TBC1D32: variants seen among roughly 807,000 people sequenced by gnomAD.
TBC1D32 encodes the protein TBC1 domain family member 32, also known as protein broad-minded.
TBC1D32 carries 151 observed loss-of-function variants against 170.3 expected under a neutral mutation model. The observed-to-expected ratio is 0.89, with a 90% CI of 0.78 to 1.01. TBC1D32 has a LOEUF of 1.01. Among genes scored for constraint, TBC1D32 ranks in the 50% least tolerant of loss-of-function variants. The pLI is 0.00. For synonymous variants in TBC1D32, 498 were observed against 488.0 expected (o/e 1.02, Z -0.27); for missense variants, 1,464 against 1,457.1 (o/e 1.00, Z -0.08).
At chr6:121,134,960 G>GC (rs35933994) in intron 24 of TBC1D32, among the ~76,000 whole-genome samples, 28,074 of 151,962 alleles carry the variant, frequency 0.18, 3,509 homozygotes, top group African/African-American at 0.33. Flanking sequence ...AGAGACAAAG[G>GC]CCCCCCTGAC....
At chr6:121,184,659 G>A (rs529555977) in intron 22 of TBC1D32, among the ~76,000 whole-genome samples, 16 of 151,956 alleles carry the variant, frequency 1.1e-4, no homozygotes, top group Middle Eastern at 3.4e-3. Context: ...CAGGTTCAAT[G>A]CTGGTCATGG....
At chr6:121,254,617 T>TTTTG (rs59108444) in intron 17 of TBC1D32, among the ~76,000 whole-genome samples, 134,049 of 151,692 alleles carry the variant, frequency 0.88, 59,673 homozygotes, top group East Asian at 0.98. Context: ...GCAGAAGGCT[T>TTTTG]TTTGATTGTT....
At chr6:121,287,047 C>T (rs1457466589) in intron 12 of TBC1D32, among the ~76,000 whole-genome samples, 3 of 152,178 alleles carry the variant, frequency 2.0e-5, no homozygotes, top group Non-Finnish European at 4.4e-5. Flanking sequence ...ACTGCAAAAA[C>T]ATGCCAAATT....
chr6:121,149,133 T>C (rs898250510), intron 24 of TBC1D32, among the ~76,000 whole-genome samples: 2 of 152,210 alleles, frequency 1.3e-5, no homozygotes, highest in African/African-American at 2.4e-5. Context: ...TTGTTTAAGT[T>C]CTTTGTAGAT....
chr6:121,104,520 G>C lies in TBC1D32; in HGVS notation c.3465+1503C>G, dbSNP rs1246987737. 3.3e-5 allele frequency among the ~76,000 whole-genome samples: 5 copies of C among 151,534 alleles called. No homozygotes were observed. The East Asian group carries it at 9.7e-4, about 29-fold the overall frequency. On this transcript the variant is annotated intron_variant, in intron 30 of 31. Coordinates refer to ENST00000398212, the MANE Select transcript of TBC1D32 (RefSeq NM_152730.6). ...ATGTAGAATTATTTTGGAAGAACTA[G>C]ATAATTTAATAAAAATAAAATGAAA...
At chr6:121,170,631 T>A in intron 22 of TBC1D32, 1 of 770,082 alleles carries the variant, frequency 1.3e-6, no homozygotes, top group Non-Finnish European at 1.8e-6. Context: ...AAAATCTAAA[T>A]CTAACAGAAA....
chr6:121,168,742 GC>G (rs1786511704), intron 22 of TBC1D32, among the ~76,000 whole-genome samples: 5 of 100,682 alleles, frequency 5.0e-5, no homozygotes, highest in African/African-American at 1.7e-4. Flanking sequence ...AAATCAACAT[GC>G]AAAAATCGCT....
chr6:121,312,119 C>T lies in TBC1D32; in HGVS notation c.496-1272G>A, dbSNP rs146808686. ...CAAAAAACCAAACACCGCATCTTCT[C>T]ACTCATAAGTGGGAGTTGAACAATG... On this transcript the variant is annotated intron_variant, in intron 3 of 31. Coordinates refer to ENST00000398212, the MANE Select transcript of TBC1D32 (RefSeq NM_152730.6). Among the ~76,000 whole-genome samples the T allele has an allele frequency of 1.4e-4, 21 of 152,256 alleles. No individual in the cohort carries two copies. In the East Asian group the frequency reaches 3.5e-3, roughly 25 times the overall value.
intron 17 of TBC1D32, 63 bp from the exon 18 acceptor site, chr6:121,242,402 A>G (rs890007278): frequency 1.8e-5 from 27 of 1,528,494 alleles, no homozygotes; most frequent in Non-Finnish European, 2.3e-5. Flanking sequence ...AACAAAGAGT[A>G]TGTCTTAGCT....
chr6:121,105,267 C>T (rs1188407277), intron 30 of TBC1D32, among the ~76,000 whole-genome samples: 3 of 151,736 alleles, frequency 2.0e-5, no homozygotes, highest in African/African-American at 7.3e-5. Context: ...ACCAAATACC[C>T]AAACATGAAG....
intron 22 of TBC1D32, among the ~76,000 whole-genome samples, chr6:121,189,642 AC>A (rs1356331794): frequency 2.0e-5 from 3 of 152,098 alleles, no homozygotes; most frequent in African/African-American, 7.2e-5. Context: ...TCATCATAAC[AC>A]TATACACAGC....
intron 13 of TBC1D32, among the ~76,000 whole-genome samples, chr6:121,283,474 A>C (rs1044064957): frequency 1.3e-5 from 2 of 151,818 alleles, no homozygotes; most frequent in East Asian, 3.9e-4. Flanking sequence ...AAGTATAAAG[A>C]ATGGAAAATA....
intron 24 of TBC1D32, among the ~76,000 whole-genome samples, chr6:121,154,817 T>C (rs1320701724): frequency 6.6e-6 from 1 of 152,154 alleles, no homozygotes; most frequent in African/African-American, 2.4e-5. Context: ...ATAGTAAGTG[T>C]GTAGGCTTGT....
Position 121,205,133 on chromosome 6 carries a change from A to G in TBC1D32, c.2512T>C (p.Ser838Pro), listed in dbSNP as rs1267721664. The change falls in exon 22 of 32, where the codon TCT becomes CCT. Residue 838 changes from serine to proline, a missense_variant. Ser to Pro is a moderately conservative substitution (Grantham distance 74). Coordinates refer to ENST00000398212, the MANE Select transcript of TBC1D32 (RefSeq NM_152730.6). ...AATAAAGAACGAATCTTAGCTTCAG[A>G]ATTCAAAATTATAAGTCTATCAATA... is the stretch of plus-strand genomic sequence containing the variant. ...DIIDRLIILN[S>P]EAKIRSLFNY... The G allele has an allele frequency of 7.2e-6, 11 of 1,526,366 alleles. No individual in the cohort carries two copies. The highest frequency in any genetic ancestry group is 9.8e-6 in the Non-Finnish European group (11 of 1,122,132). 94.6% of individuals were successfully genotyped at this position (1,526,366 alleles called of 1,614,324 possible).
chr6:121,246,046 G>A (rs765505611), intron 17 of TBC1D32, among the ~76,000 whole-genome samples: 62 of 152,062 alleles, frequency 4.1e-4, no homozygotes, highest in Non-Finnish European at 7.9e-4. Flanking sequence ...AGCTACAACT[G>A]GTGCATACCC....
chr6:121,088,559 A>T (rs1017618615), intron 31 of TBC1D32, among the ~76,000 whole-genome samples: 3 of 152,200 alleles, frequency 2.0e-5, no homozygotes. Context: ...ATGTAAATAC[A>T]TATTTAAATA....
At chr6:121,328,515 A>G (rs1176856401) in intron 1 of TBC1D32, among the ~76,000 whole-genome samples, 1 of 151,636 alleles carries the variant, frequency 6.6e-6, no homozygotes, top group Non-Finnish European at 1.5e-5. Context: ...CGATCTCCTG[A>G]CCTCGTGATC....
rs528735819 is a variant in TBC1D32, at chr6:121,284,178, G to A, written c.1373-268C>T. On this transcript the variant is annotated intron_variant, in intron 12 of 31. Coordinates refer to ENST00000398212, the MANE Select transcript of TBC1D32 (RefSeq NM_152730.6). Reference sequence around the variant, plus strand: ...AACCAATCACTTAAGATAAACCTATGCTAGGAAGATGTATGAATCTGATTA... The same window carrying A: ...AACCAATCACTTAAGATAAACCTATACTAGGAAGATGTATGAATCTGATTA... 2.6e-5 allele frequency among the ~76,000 whole-genome samples: 4 copies of A among 152,146 alleles called. No homozygotes were observed. The South Asian group carries it at 8.3e-4, about 32-fold the overall frequency.
intron 17 of TBC1D32, among the ~76,000 whole-genome samples, chr6:121,248,126 G>T (rs1398177450): frequency 1.3e-5 from 2 of 151,944 alleles, no homozygotes; most frequent in African/African-American, 4.8e-5. Flanking sequence ...TACTCTCTCA[G>T]ACTGCAGTGG....
Sources: allele counts gnomAD v4.1 joint callset (sites outside exome capture counted in the v4.1 genomes callset), GRCh38; gene constraint gnomAD v4.1.1; transcripts MANE v1.5; gene names NCBI Gene and HGNC (gene_info 2026-07-23, HGNC 2026-07-21).